The following ATRNL1 variants were observed in gnomAD, a reference collection of about 807,000 sequenced individuals.
ATRNL1 encodes the protein attractin-like protein 1.
Under a neutral mutation model 182.7 loss-of-function variants are expected in ATRNL1, and 95 were observed. The ratio of observed to expected loss-of-function variants is 0.52; its 90% CI spans 0.44 to 0.62. ATRNL1 has a LOEUF of 0.62. Ranked by LOEUF, ATRNL1 falls within the 20% of genes least tolerant of loss-of-function variation. The pLI is 0.00. For synonymous variants in ATRNL1, 576 were observed against 568.3 expected (o/e 1.01, Z -0.19); for missense variants, 1,471 against 1,679.5 (o/e 0.88, Z 2.17).
At chr10:115,168,544 T>G (rs1306103366) in intron 7 of ATRNL1, among the ~76,000 whole-genome samples, 2 of 152,140 alleles carry the variant, frequency 1.3e-5, no homozygotes, top group African/African-American at 2.4e-5. Context: ...TGGTTTTGAT[T>G]TGTATTTCCC....
chr10:115,819,952 G>T (rs375212849), intron 27 of ATRNL1: 54 of 152,036 alleles, frequency 3.6e-4, no homozygotes, highest in African/African-American at 1.3e-3. Context: ...AGGACTAGGT[G>T]GGAGAGGTGG....
chr10:115,511,892 T>C (rs1850403289), intron 24 of ATRNL1, among the ~76,000 whole-genome samples: 1 of 151,848 alleles, frequency 6.6e-6, no homozygotes, highest in Admixed American at 6.6e-5. Context: ...ATCAATTATT[T>C]TGGGGGTTTT....
At chr10:115,380,190 C>T (rs955274350) in intron 19 of ATRNL1, among the ~76,000 whole-genome samples, 1 of 152,060 alleles carries the variant, frequency 6.6e-6, no homozygotes, top group Admixed American at 6.6e-5. Flanking sequence ...TCTTAGAAAC[C>T]TTTCTAGTAC....
At chr10:115,462,857 T>C (rs1847882406) in intron 22 of ATRNL1, among the ~76,000 whole-genome samples, 1 of 152,040 alleles carries the variant, frequency 6.6e-6, no homozygotes, top group Non-Finnish European at 1.5e-5. Context: ...TCAATTCAGG[T>C]AAAGACTCTT....
At chr10:115,840,728 G>A (rs1490042186) in intron 27 of ATRNL1, among the ~76,000 whole-genome samples, 1 of 152,060 alleles carries the variant, frequency 6.6e-6, no homozygotes, top group Non-Finnish European at 1.5e-5. Flanking sequence ...GTAGAGCAAA[G>A]AGGTCCTGGA....
intron 8 of ATRNL1, among the ~76,000 whole-genome samples, chr10:115,196,436 A>G (rs1848363651): frequency 6.6e-6 from 1 of 152,126 alleles, no homozygotes; most frequent in Admixed American, 6.6e-5. Context: ...ATTGCAATAT[A>G]AAATTTAGAA....
chr10:115,310,112 A>T (rs1853940326), intron 17 of ATRNL1, among the ~76,000 whole-genome samples: 1 of 152,114 alleles, frequency 6.6e-6, no homozygotes, highest in Non-Finnish European at 1.5e-5. Context: ...TGAGATTATC[A>T]TATCACTTTT....
chr10:115,604,093 T>C (rs782726144), intron 26 of ATRNL1, among the ~76,000 whole-genome samples: 4 of 152,218 alleles, frequency 2.6e-5, no homozygotes, highest in Non-Finnish European at 4.4e-5. Context: ...TATTTTTCTC[T>C]CATTATAGTC....
chr10:115,166,057 A>G (rs541827226), intron 7 of ATRNL1, among the ~76,000 whole-genome samples: 1 of 152,080 alleles, frequency 6.6e-6, no homozygotes, highest in Non-Finnish European at 1.5e-5. Flanking sequence ...ATAACTTCTC[A>G]TTCCCCTCTT....
At chr10:115,162,082 G>T (rs1328676977) in intron 6 of ATRNL1, among the ~76,000 whole-genome samples, 1 of 151,800 alleles carries the variant, frequency 6.6e-6, no homozygotes, top group East Asian at 1.9e-4. Context: ...TGTTTCTTGG[G>T]ATATATCATT....
intron 7 of ATRNL1, among the ~76,000 whole-genome samples, chr10:115,165,942 C>T (rs1404392837): frequency 1.3e-5 from 2 of 152,062 alleles, no homozygotes; most frequent in African/African-American, 4.8e-5. Flanking sequence ...ACCATTTTAA[C>T]TATTTTTAAG....
At chr10:115,632,964 C>G (rs1858614333) in intron 26 of ATRNL1, among the ~76,000 whole-genome samples, 1 of 151,596 alleles carries the variant, frequency 6.6e-6, no homozygotes. Flanking sequence ...GCGATCCTAG[C>G]TCACTACAAC....
At chr10:115,368,832 G>A (rs1222812658) in intron 19 of ATRNL1, among the ~76,000 whole-genome samples, 2 of 151,668 alleles carry the variant, frequency 1.3e-5, no homozygotes, top group East Asian at 3.9e-4. Flanking sequence ...TCCTGCCTGA[G>A]CCTCCTGAGT....
intron 26 of ATRNL1, among the ~76,000 whole-genome samples, chr10:115,683,706 A>G (rs1164713687): frequency 6.6e-6 from 1 of 151,824 alleles, no homozygotes; most frequent in Non-Finnish European, 1.5e-5. Flanking sequence ...TACCTCCAAA[A>G]CCCAGAGAGG....
chr10:115,847,670 G>A (rs1221799858), intron 27 of ATRNL1, among the ~76,000 whole-genome samples: 7 of 152,092 alleles, frequency 4.6e-5, no homozygotes, highest in Non-Finnish European at 1.0e-4. Flanking sequence ...CAAGCTGCTC[G>A]TCAAATATAG....
intron 1 of ATRNL1, 39 bp downstream of exon 1, chr10:115,094,082 C>T: frequency 7.4e-7 from 1 of 1,354,190 alleles, no homozygotes; most frequent in Non-Finnish European, 9.6e-7. Context: ...CCAGCCCTGC[C>T]TCGCTCCCGT....
At chr10:115,288,533 AT>A (rs1350560675) in intron 15 of ATRNL1, among the ~76,000 whole-genome samples, 2 of 91,706 alleles carry the variant, frequency 2.2e-5, no homozygotes, top group Non-Finnish European at 2.4e-5. Context: ...TTTTTTTTTT[AT>A]TTTTTTTGAG....
chr10:115,245,193 A>G (rs1850577294), intron 10 of ATRNL1, among the ~76,000 whole-genome samples: 2 of 152,264 alleles, frequency 1.3e-5, no homozygotes, highest in Admixed American at 6.5e-5. Flanking sequence ...GCAGTTCTGT[A>G]TACTCTTAAA....
intron 8 of ATRNL1, among the ~76,000 whole-genome samples, chr10:115,204,085 T>C (rs1455377809): frequency 3.3e-5 from 5 of 152,108 alleles, no homozygotes; most frequent in African/African-American, 1.2e-4. Flanking sequence ...TTTTTTGGTT[T>C]CTTTTTCAGA....
Sources: gnomAD v4.1 joint callset for allele counts (sites outside exome capture counted in the v4.1 genomes callset) on GRCh38, gnomAD v4.1.1 for gene constraint, MANE v1.5 for transcripts, NCBI Gene and HGNC (gene_info 2026-07-23, HGNC 2026-07-21) for gene names.